The following MORN5 variants were observed in gnomAD, a reference collection of about 807,000 sequenced individuals.
MORN5 encodes MORN repeat-containing protein 5.
In MORN5, 21 loss-of-function variants were observed where a neutral mutation model predicts 22.1. The observed-to-expected ratio is 0.95, with a 90% confidence interval of 0.67 to 1.37. The LOEUF (loss-of-function observed/expected upper bound fraction) is 1.37. Ranked by LOEUF, MORN5 falls within the 40% of genes most tolerant of loss-of-function variation. MORN5 has a pLI of 0.00. For missense variants in MORN5, 211 were observed against 215.1 expected (o/e 0.98, Z 0.12); for synonymous variants, 73 against 74.0 (o/e 0.99, Z 0.07).
At chr9:122,171,327 G>A (rs142706914) in intron 3 of MORN5, among the ~76,000 whole-genome samples, 27 of 152,202 alleles carry the variant, frequency 1.8e-4, no homozygotes, top group African/African-American at 5.3e-4. Context: ...TAGTTGACCG[G>A]GTGAGCCGCC....
intron 4 of MORN5, 146 bp from the exon 5 acceptor site, chr9:122,199,738 GA>G: frequency 1.4e-6 from 1 of 734,132 alleles, no homozygotes. Context: ...CAGTGTAAAT[GA>G]AAGGTCTGTT....
chr9:122,179,817 C>T (rs920492358), intron 4 of MORN5, among the ~76,000 whole-genome samples: 1 of 152,190 alleles, frequency 6.6e-6, no homozygotes, highest in Non-Finnish European at 1.5e-5. Context: ...TCTGTTTTCC[C>T]CAGGGACCTC....
intron 4 of MORN5, among the ~76,000 whole-genome samples, chr9:122,186,719 G>A (rs777047139): frequency 2.6e-5 from 4 of 152,158 alleles, no homozygotes; most frequent in Non-Finnish European, 5.9e-5. Context: ...GCCTCCTGGA[G>A]GCATTCGAAG....
chr9:122,183,252 G>A (rs1205937344), intron 4 of MORN5, among the ~76,000 whole-genome samples: 3 of 152,184 alleles, frequency 2.0e-5, no homozygotes. Context: ...ACTAACTCTA[G>A]CCCTTCCCCC....
intron 4 of MORN5, 82 bp downstream of exon 4, chr9:122,174,709 A>C: frequency 6.2e-7 from 1 of 1,607,966 alleles, no homozygotes; most frequent in South Asian, 1.1e-5. Flanking sequence ...ATGTATGCAC[A>C]CACTTGATGA....
Position 122,169,695 on chromosome 9 carries a change from T to C in MORN5, c.246T>C (p.His82=), listed in dbSNP as rs1268043203. 1.2e-6 allele frequency: 2 copies of C among 1,614,154 alleles called. No individual in the cohort carries two copies. ...TGCACTATGATGAGAAAAACTGGCA[T>C]TACTGCGACGGCTATGATCGGAGGT... ...DGLHYDEKNW[H]YCDGYDRRFY... is the part of the protein sequence containing the mutation. The change falls in exon 3 of 5, where the codon CAT becomes CAC. Residue 82 remains histidine, a synonymous_variant. Transcript: ENST00000373764.
At chr9:122,172,899 A>C (rs1318474956) in intron 3 of MORN5, among the ~76,000 whole-genome samples, 1 of 152,216 alleles carries the variant, frequency 6.6e-6, no homozygotes, top group Non-Finnish European at 1.5e-5. Flanking sequence ...CAGGGAGACC[A>C]GAGTTAAGAG....
At chr9:122,174,974 C>A in intron 4 of MORN5, 1 of 644,132 alleles carries the variant, frequency 1.6e-6, no homozygotes, top group Non-Finnish European at 1.9e-6. Flanking sequence ...CAGAGCAAAG[C>A]TGGACACAGC....
chr9:122,178,800 G>A (rs75510912), intron 4 of MORN5, among the ~76,000 whole-genome samples: 2,453 of 152,288 alleles, frequency 0.016, 32 homozygotes, highest in Non-Finnish European at 0.023. Context: ...AGTTGGTTGG[G>A]TTAGTTTTTT....
chr9:122,195,963 G>GTT (rs1209688895), intron 4 of MORN5, among the ~76,000 whole-genome samples: 42 of 75,686 alleles, frequency 5.5e-4, no homozygotes, highest in African/African-American at 3.1e-3. Context: ...TAGAAATTTT[G>GTT]TTTTATATTT....
rs938997436 is a variant in MORN5, at chr9:122,180,282, C to CTTTT, written c.439+5673_439+5676dup. Reference sequence around the variant, plus strand: ...ATGCAACAATCTATGACATTTTCTTCTTTTTTTTTTTTTTTTTTTTTGAGA... The same window carrying CTTTT: ...ATGCAACAATCTATGACATTTTCTTCTTTTTTTTTTTTTTTTTTTTTTTTTGAGA... On this transcript the variant is annotated intron_variant, in intron 4 of 4. Coordinates refer to ENST00000373764, the MANE Select transcript of MORN5 (RefSeq NM_198469.4). 8.8e-3 allele frequency among the ~76,000 whole-genome samples: 947 copies of CTTTT among 107,392 alleles called. 4 individuals are homozygous for CTTTT. Among genetic ancestry groups the CTTTT allele is most frequent in the Non-Finnish European group, 0.012 (650 of 54,578 alleles). 70.5% of individuals were successfully genotyped at this position (107,392 alleles called of 152,430 possible).
chr9:122,164,823 CT>C (rs1287637480), intron 1 of MORN5, among the ~76,000 whole-genome samples: 1 of 152,196 alleles, frequency 6.6e-6, no homozygotes, highest in African/African-American at 2.4e-5. Context: ...TTTTCAATTT[CT>C]TGTTCTATGC....
intron 3 of MORN5, among the ~76,000 whole-genome samples, chr9:122,171,128 T>C (rs1829359545): frequency 6.6e-6 from 1 of 152,184 alleles, no homozygotes; most frequent in Non-Finnish European, 1.5e-5. Context: ...GAGCTGTGGT[T>C]GACAGAGCAT....
chr9:122,193,467 C>G (rs190423872), intron 4 of MORN5, among the ~76,000 whole-genome samples: 1 of 152,304 alleles, frequency 6.6e-6, no homozygotes, highest in African/African-American at 2.4e-5. Context: ...TGCCTGTAGT[C>G]CCAGCTACTC....
intron 3 of MORN5, among the ~76,000 whole-genome samples, chr9:122,171,325 C>T (rs749743316): frequency 6.6e-6 from 1 of 152,184 alleles, no homozygotes; most frequent in Non-Finnish European, 1.5e-5. Context: ...GTTAGTTGAC[C>T]GGGTGAGCCG....
At chr9:122,188,442 C>G (rs1375011216) in intron 4 of MORN5, among the ~76,000 whole-genome samples, 7 of 152,236 alleles carry the variant, frequency 4.6e-5, no homozygotes, top group African/African-American at 1.7e-4. Flanking sequence ...GCCTAACACC[C>G]CTGCTGACTG....
At chr9:122,199,584 G>A (rs545140748) in intron 4 of MORN5, among the ~76,000 whole-genome samples, 9 of 152,302 alleles carry the variant, frequency 5.9e-5, no homozygotes, top group Non-Finnish European at 8.8e-5. Flanking sequence ...GCAAGTGCCC[G>A]ACTGTGAAGC....
intron 4 of MORN5, among the ~76,000 whole-genome samples, chr9:122,199,557 G>A (rs564226449): frequency 5.9e-5 from 9 of 151,966 alleles, no homozygotes; most frequent in African/African-American, 1.4e-4. Context: ...GCTGTCGTGC[G>A]TGGGCTGTCA....
chr9:122,160,186 T>C (rs1829170330), intron 1 of MORN5, among the ~76,000 whole-genome samples, 167 bp downstream of exon 1: 1 of 152,242 alleles, frequency 6.6e-6, no homozygotes, highest in Non-Finnish European at 1.5e-5. Flanking sequence ...ATGCATTCAT[T>C]CCATATATAC....
Sources: allele counts gnomAD v4.1 joint callset (sites outside exome capture counted in the v4.1 genomes callset), GRCh38; gene constraint gnomAD v4.1.1; transcripts MANE v1.5; gene names NCBI Gene and HGNC (gene_info 2026-07-23, HGNC 2026-07-21).